ZNF316: variants seen among roughly 807,000 people sequenced by gnomAD.
ZNF316 encodes zinc finger protein 316.
Under a neutral mutation model 75.6 loss-of-function variants are expected in ZNF316, and 23 were observed. That is an observed-to-expected ratio of 0.30 (90% CI 0.22 to 0.43). The LOEUF (loss-of-function observed/expected upper bound fraction) is 0.43. ZNF316 is among the 20% of genes least tolerant of loss of function. The pLI is 1.00. For synonymous variants in ZNF316, 827 were observed against 666.2 expected (o/e 1.24, Z -3.72); for missense variants, 1,266 against 1,409.4 (o/e 0.90, Z 1.63).
intron 6 of ZNF316, 121 bp downstream of exon 6, chr7:6,643,194 G>C (rs754881040): frequency 2.5e-6 from 3 of 1,215,518 alleles, no homozygotes; most frequent in Non-Finnish European, 3.1e-6. Flanking sequence ...CCCCGGACCA[G>C]GCCCAGGCCC....
chr7:6,651,335 C>T (rs753248342), intron 8 of ZNF316, among the ~76,000 whole-genome samples: 3 of 147,888 alleles, frequency 2.0e-5, no homozygotes, highest in Non-Finnish European at 4.5e-5. Context: ...GGGCAACGAG[C>T]TCAATTCCGT....
At position 6,653,707 on chromosome 7, in the gene ZNF316, C is replaced by T; in HGVS notation, c.2111C>T (p.Ala704Val). ...SDCGKTFGRR[A>V]ALAKHQRYHA... ...TGCGGCAAGACGTTTGGGCGCCGGGCCGCGCTGGCCAAGCACCAGCGCTAC... is the reference window on the plus strand; with the variant it reads ...TGCGGCAAGACGTTTGGGCGCCGGGTCGCGCTGGCCAAGCACCAGCGCTAC... Residue 704 changes from alanine (A) to valine (V), a missense_variant, in exon 9 of 9, where the codon GCC becomes GTC. By Grantham distance (64) the Ala-to-Val change is moderately conservative. Transcript: ENST00000382252. The T allele has an allele frequency of 9.1e-7, 1 of 1,095,930 alleles. No individual in the cohort carries two copies. 67.9% of individuals were successfully genotyped at this position (1,095,930 alleles called of 1,614,324 possible).
Position 6,657,851 on chromosome 7 carries a change from AAAAAAAG to A in ZNF316, c.*3241_*3247del, listed in dbSNP as rs1779654121. On this transcript the variant is annotated 3_prime_UTR_variant, in exon 9 of 9. Transcript: ENST00000382252. The stretch of plus-strand genomic sequence containing the variant: ...CTCACCAAAAAAAAAAAAAAAAAAA[AAAAAAAG>A]GTTCCCCGATAGAACTTATAGTTGA... Among the ~76,000 whole-genome samples the A allele has an allele frequency of 2.0e-5, 3 of 150,986 alleles. No individual in the cohort carries two copies. Among genetic ancestry groups the A allele is most frequent in the Non-Finnish European group, 3.0e-5 (2 of 67,766 alleles).
rs914478623 is a variant in ZNF316 at position 6,644,584 on chromosome 7, G to A, written c.697G>A (p.Val233Ile). The change falls in exon 8 of 9, where the codon GTC becomes ATC. Residue 233 changes from valine to isoleucine, a missense_variant. By Grantham distance (29) the Val-to-Ile change is conservative. Coordinates refer to ENST00000382252, the MANE Select transcript of ZNF316 (RefSeq NM_001278559.2). The stretch of plus-strand genomic sequence containing the variant: ...TGAGGAAGGAGACATCGTCACTGGC[G>A]TCTACACAGGTGAGCGTGGATGGAA... ...RPEEGDIVTG[V>I]YTGAWFWTDD... 7 of 1,231,378 alleles carry A rather than the reference G, an allele frequency of 5.7e-6. No homozygotes were observed. Among genetic ancestry groups the A allele is most frequent in the African/African-American group, 4.7e-5 (3 of 64,336 alleles). 76.3% of individuals were successfully genotyped at this position (1,231,378 alleles called of 1,614,324 possible).
rs1221358057 is a variant in ZNF316 at position 6,639,353 on chromosome 7, G to C, written c.-167+212G>C. ...TCAGACATGAGCAAAGGGAGCTTCT[G>C]CCGCCCAGGAGCTGGCTGTACTCAG... On this transcript the variant is annotated intron_variant, in intron 3 of 8. Coordinates refer to ENST00000382252, the MANE Select transcript of ZNF316 (RefSeq NM_001278559.2). The surrounding 1 kb of genome is among the most constrained non-coding windows in gnomAD (Gnocchi z 4.2). 6.6e-6 allele frequency among the ~76,000 whole-genome samples: 1 copy of C among 152,198 alleles called. No individual in the cohort carries two copies. The highest frequency in any genetic ancestry group is 2.4e-5 in the African/African-American group (1 of 41,434).
chr7:6,638,160 T>G lies in ZNF316; in HGVS notation c.-267+151T>G, dbSNP rs373817855. Among the ~76,000 whole-genome samples, 38 of 152,088 alleles carry G rather than the reference T, an allele frequency of 2.5e-4. No homozygotes were observed. The East Asian group carries it at 5.0e-3, about 20-fold the overall frequency. On this transcript the variant is annotated intron_variant, in intron 2 of 8. Transcript: ENST00000382252. ...AGGATCAGGCCCCCAGCTCTGCTTG[T>G]GTGGGGAGACCTCGGTGCTTGGTTT...
In ZNF316 at chr7:6,642,611, C is replaced by CAGGTGGAGGCGGTGGCCG; in HGVS notation, c.212_229dup (p.Ala71_Glu76dup). 1 of 1,223,638 alleles carries CAGGTGGAGGCGGTGGCCG rather than the reference C, an allele frequency of 8.2e-7. No individual in the cohort carries two copies. The highest frequency in any genetic ancestry group is 1.0e-6 in the Non-Finnish European group (1 of 979,920). 75.8% of individuals were successfully genotyped at this position (1,223,638 alleles called of 1,614,324 possible). A position where few individuals can be genotyped will look rare whatever the true frequency, so the allele number is the denominator to read the frequency against. ...TGTGGCAGAGGTAGTGCAGGATGCG[C>CAGGTGGAGGCGGTGGCCG]AGGTGGAGGCGGTGGCCGAGGTGGA... On this transcript the variant is annotated inframe_insertion, in exon 5 of 9. Coordinates refer to ENST00000382252, the MANE Select transcript of ZNF316 (RefSeq NM_001278559.2). This position sits in a 1 kb window ranked among gnomAD's most constrained non-coding sequence, Gnocchi z 8.1.
chr7:6,647,700 C>T (rs941698129), intron 8 of ZNF316, among the ~76,000 whole-genome samples: 1 of 152,214 alleles, frequency 6.6e-6, no homozygotes, highest in Non-Finnish European at 1.5e-5. Context: ...GCCTGGAGAG[C>T]AGGTTCCAGA....
rs368247827 is a variant in ZNF316 at position 6,656,650 on chromosome 7, C to T, written c.*2039C>T. Among the ~76,000 whole-genome samples the T allele has an allele frequency of 6.6e-6, 1 of 152,246 alleles. No homozygotes were observed. Among genetic ancestry groups the T allele is most frequent in the Non-Finnish European group, 1.5e-5 (1 of 68,046 alleles). The stretch of plus-strand genomic sequence containing the variant: ...GTATTCCTTGGTGGCCCCCACGCTG[C>T]CCCACACTTGATGTAGTGTAAACAC... On this transcript the variant is annotated 3_prime_UTR_variant, in exon 9 of 9. Coordinates refer to ENST00000382252, the MANE Select transcript of ZNF316 (RefSeq NM_001278559.2).
At chr7:6,645,839 C>G (rs1040676918) in intron 8 of ZNF316, among the ~76,000 whole-genome samples, 11 of 151,116 alleles carry the variant, frequency 7.3e-5, no homozygotes, top group African/African-American at 2.7e-4. Context: ...ACTAAAAATA[C>G]AAAAATTAGC....
intron 8 of ZNF316, among the ~76,000 whole-genome samples, chr7:6,646,854 T>C (rs185779380): frequency 6.6e-6 from 1 of 152,240 alleles, no homozygotes; most frequent in East Asian, 1.9e-4. Flanking sequence ...TATGTCCCTC[T>C]CTTGGGCTCC....
Position 6,652,239 on chromosome 7 carries a change from C to T in ZNF316, c.707-64C>T, listed in dbSNP as rs945291837. The T allele has an allele frequency of 5.7e-6, 7 of 1,229,550 alleles. No homozygotes were observed. The African/African-American group carries it at 7.8e-5, about 14-fold the overall frequency. 76.2% of individuals were successfully genotyped at this position (1,229,550 alleles called of 1,614,324 possible). A position where few individuals can be genotyped will look rare whatever the true frequency, so the allele number is the denominator to read the frequency against. On this transcript the variant is annotated intron_variant, in intron 8 of 8. Coordinates refer to ENST00000382252, the MANE Select transcript of ZNF316 (RefSeq NM_001278559.2). ...AAGCCCTGATTTCTCGGGACAGGAA[C>T]CTGCCAGAGGCTCCTGTCAAGTTCA...
At chr7:6,646,853 C>T (rs1029482335) in intron 8 of ZNF316, among the ~76,000 whole-genome samples, 1 of 152,152 alleles carries the variant, frequency 6.6e-6, no homozygotes, top group Non-Finnish European at 1.5e-5. Context: ...GTATGTCCCT[C>T]TCTTGGGCTC....
intron 8 of ZNF316, among the ~76,000 whole-genome samples, chr7:6,645,827 C>G (rs972572286): frequency 1.3e-5 from 2 of 151,308 alleles, no homozygotes; most frequent in Non-Finnish European, 2.9e-5. Flanking sequence ...AACCCCATCT[C>G]TACTAAAAAT....
rs1035481556 is a variant in ZNF316, at chr7:6,657,530, A to G, written c.*2919A>G. The stretch of plus-strand genomic sequence containing the variant: ...GAGCCCCTTGAGGATCTTACAGTCT[A>G]TTCAGAAAAGTTAAATGAGGCTGGG... On this transcript the variant is annotated 3_prime_UTR_variant, in exon 9 of 9. Coordinates refer to ENST00000382252, the MANE Select transcript of ZNF316 (RefSeq NM_001278559.2). 1.3e-5 allele frequency among the ~76,000 whole-genome samples: 2 copies of G among 152,040 alleles called. No homozygotes were observed. The highest frequency in any genetic ancestry group is 4.8e-5 in the African/African-American group (2 of 41,386).
Position 6,653,155 on chromosome 7 carries a change from A to G in ZNF316, c.1559A>G (p.Glu520Gly). 8.4e-7 allele frequency: 1 copy of G among 1,186,980 alleles called. No homozygotes were observed. Among genetic ancestry groups the G allele is most frequent in the Non-Finnish European group, 1.0e-6 (1 of 959,626 alleles). The allele number at this position is 1,186,980 out of a possible 1,614,324, so 73.5% of individuals were successfully genotyped here. Residue 520 changes from glutamate (E) to glycine (G), a missense_variant, in exon 9 of 9, where the codon GAG (glutamate) becomes GGG (glycine). Glu to Gly is a moderately conservative substitution (Grantham distance 98, BLOSUM62 -2). Transcript: ENST00000382252. ...GCGGGTGGTGACGGCCCCCGGCGGG[A>G]GCCCGGCGAGACGGCGGCCGCCGCG... Reference protein sequence around the residue: ...AEAGGDGPRREPGETAAAAGP... With the variant: ...AEAGGDGPRRGPGETAAAAGP...
rs1016530419 is a variant in ZNF316, at chr7:6,638,021, C to G, written c.-267+12C>G. The G allele has an allele frequency of 2.6e-4, 39 of 152,368 alleles. No homozygotes were observed. The highest frequency in any genetic ancestry group is 9.4e-4 in the African/African-American group (39 of 41,580). 9.4% of individuals were successfully genotyped at this position (152,368 alleles called of 1,614,324 possible). A position where few individuals can be genotyped will look rare whatever the true frequency, so the allele number is the denominator to read the frequency against. ...TCTGCTGCCGGCAGGTAGGTAGGGA[C>G]ACCCATCCCTGGGATTGGATGGGGT... On this transcript the variant is annotated intron_variant, in intron 2 of 8. Transcript: ENST00000382252.
chr7:6,642,275 G>A lies in ZNF316; in HGVS notation c.-28-107G>A, dbSNP rs1779322905. ...CATTGCCTTCAACTACATAACAGGA[G>A]GAGTAAATCCTGCTCCCTGCGCCCC... On this transcript the variant is annotated intron_variant, in intron 4 of 8. Transcript: ENST00000382252. This position sits in a 1 kb window ranked among gnomAD's most constrained non-coding sequence, Gnocchi z 8.1. 7 of 455,726 alleles carry A rather than the reference G, an allele frequency of 1.5e-5. No homozygotes were observed. The highest frequency in any genetic ancestry group is 2.2e-5 in the Non-Finnish European group (6 of 278,730). 28.2% of individuals were successfully genotyped at this position (455,726 alleles called of 1,614,324 possible).
intron 8 of ZNF316, among the ~76,000 whole-genome samples, chr7:6,646,398 C>G (rs562119513): frequency 6.6e-6 from 1 of 152,210 alleles, no homozygotes; most frequent in Non-Finnish European, 1.5e-5. Context: ...AGCGTGTGGT[C>G]TACTTGTGCT....
Sources: allele counts gnomAD v4.1 joint callset (sites outside exome capture counted in the v4.1 genomes callset), GRCh38; gene constraint gnomAD v4.1.1; non-coding constraint Gnocchi (gnomAD v3.1); transcripts MANE v1.5; gene names NCBI Gene and HGNC (gene_info 2026-07-23, HGNC 2026-07-21).